ACSS1: variants seen among roughly 807,000 people sequenced by gnomAD.
The protein encoded by ACSS1 is acyl-CoA synthetase short chain family member 1.
Under a neutral mutation model 75.3 loss-of-function variants are expected in ACSS1, and 42 were observed. The observed-to-expected ratio is 0.56, with a 90% confidence interval of 0.44 to 0.72. The LOEUF (loss-of-function observed/expected upper bound fraction) is 0.72. Among genes scored for constraint, ACSS1 ranks in the 30% least tolerant of loss-of-function variants. The pLI is 0.00. For synonymous variants in ACSS1, 380 were observed against 376.8 expected, an observed-to-expected ratio of 1.01 and a Z score of -0.10; for missense variants, 782 against 935.7, an observed-to-expected ratio of 0.84 and a Z score of 2.14.
intron 2 of ACSS1, among the ~76,000 whole-genome samples, chr20:25,039,518 A>G (rs898144209): frequency 1.3e-5 from 2 of 152,342 alleles, no homozygotes; most frequent in South Asian, 2.1e-4. Context: ...TGGGGGTTCA[A>G]TTGAGCCTTT....
Position 25,030,942 on chromosome 20 carries a change from T to A in ACSS1, c.448A>T (p.Thr150Ser), listed in dbSNP as rs1568840032. The A allele has an allele frequency of 2.5e-6, 4 of 1,614,118 alleles. No homozygotes were observed. Among genetic ancestry groups the A allele is most frequent in the Non-Finnish European group, 3.4e-6 (4 of 1,180,006 alleles). ...TTCAGCGTGTTGGCCAGGCGGCACG[T>A]GGTCTCCAGTAGTTCCCTGCAGCAC... ...RITYRELLET[T>S]CRLANTLKRH... Residue 150 changes from threonine to serine, a missense_variant, in exon 3 of 14, where the codon ACG becomes TCG. By Grantham distance (58) the Thr-to-Ser change is moderately conservative. Coordinates refer to ENST00000323482, the MANE Select transcript of ACSS1 (RefSeq NM_032501.4).
At chr20:25,050,300 C>T (rs769971132) in intron 1 of ACSS1, among the ~76,000 whole-genome samples, 7 of 152,106 alleles carry the variant, frequency 4.6e-5, no homozygotes, top group East Asian at 1.9e-4. Flanking sequence ...TCCTACACCC[C>T]GCTGCCTGCC....
At chr20:25,055,635 G>C (rs776729395) in intron 1 of ACSS1, among the ~76,000 whole-genome samples, 3 of 152,210 alleles carry the variant, frequency 2.0e-5, no homozygotes, top group Non-Finnish European at 4.4e-5. Context: ...CAGATGTCCA[G>C]GATGGGCTCC....
intron 1 of ACSS1, among the ~76,000 whole-genome samples, chr20:25,050,647 G>T (rs921530848): frequency 4.6e-5 from 7 of 152,076 alleles, no homozygotes; most frequent in African/African-American, 1.7e-4. Context: ...AGCAGGAAGG[G>T]CTCGAACCAC....
rs750083987 is a variant in ACSS1, at chr20:25,019,915, G to A, written c.1246+95C>T. ...TGCGTGAATTCACACATACAAAGCCGGGCAGCTTCATGACTGAAGTCCTGC... is the reference window on the plus strand; with the variant it reads ...TGCGTGAATTCACACATACAAAGCCAGGCAGCTTCATGACTGAAGTCCTGC... On this transcript the variant is annotated intron_variant, in intron 7 of 13. Coordinates refer to ENST00000323482, the MANE Select transcript of ACSS1 (RefSeq NM_032501.4). 99 of 1,552,154 alleles carry A rather than the reference G, an allele frequency of 6.4e-5. 1 individual carries two copies. The highest frequency in any genetic ancestry group is 4.0e-4 in the Admixed American group (23 of 56,796).
chr20:25,038,072 C>T (rs1485139045), intron 2 of ACSS1, among the ~76,000 whole-genome samples: 1 of 152,198 alleles, frequency 6.6e-6, no homozygotes, highest in African/African-American at 2.4e-5. Context: ...TCCCCTGGGC[C>T]AAGGCGGGCC....
chr20:25,052,258 A>G (rs767361294), intron 1 of ACSS1, among the ~76,000 whole-genome samples: 4 of 152,220 alleles, frequency 2.6e-5, no homozygotes, highest in Non-Finnish European at 5.9e-5. Context: ...CTGCCCAAAG[A>G]AATGGGCAGT....
At position 25,020,632 on chromosome 20, in the gene ACSS1, A is replaced by G. The variant is rs575784942; in HGVS notation, c.1109-485T>C. Reference sequence around the variant, plus strand: ...CCACTACCCACACCATCCCCTCCACATGGAACACTGAGCTTCTAAGGGCTG... The same window carrying G: ...CCACTACCCACACCATCCCCTCCACGTGGAACACTGAGCTTCTAAGGGCTG... On this transcript the variant is annotated intron_variant, in intron 6 of 13. Transcript: ENST00000323482. Among the ~76,000 whole-genome samples the G allele has an allele frequency of 2.6e-5, 4 of 152,298 alleles. No individual in the cohort carries two copies. The East Asian group carries it at 7.7e-4, about 29-fold the overall frequency.
At chr20:25,039,622 C>T (rs999491159) in intron 2 of ACSS1, among the ~76,000 whole-genome samples, 4 of 152,188 alleles carry the variant, frequency 2.6e-5, no homozygotes, top group African/African-American at 7.2e-5. Context: ...TTCAGGGCCA[C>T]CTGCCCAGGG....
At position 25,013,618 on chromosome 20, in the gene ACSS1, G is replaced by C. The variant is rs761161575; in HGVS notation, c.1497C>G (p.Ile499Met). The change falls in exon 10 of 14, where the codon ATC (isoleucine) becomes ATG (methionine). Residue 499 changes from isoleucine to methionine, a missense_variant. Physicochemically the swap from Ile to Met is conservative, Grantham distance 10. This residue lies in a region of ACSS1 where 405 missense variants were observed against 552.6 expected (regional missense o/e 0.73). Transcript: ENST00000323482. ...EGSNVSGALC[I>M]SQAWPGMART... The stretch of plus-strand genomic sequence containing the variant: ...TGGCCATGCCCGGCCAGGCCTGGGA[G>C]ATGCACAGGGCCCCGGAGACGTTGC... The C allele has an allele frequency of 3.7e-6, 6 of 1,610,548 alleles. No individual in the cohort carries two copies. In the African/African-American group the frequency reaches 8.0e-5, roughly 22 times the overall value.
At chr20:25,049,369 G>C (rs1485676354) in intron 1 of ACSS1, among the ~76,000 whole-genome samples, 2 of 152,124 alleles carry the variant, frequency 1.3e-5, no homozygotes. Context: ...CTGGGTGTTG[G>C]GGAGTCTCTT....
intron 1 of ACSS1, among the ~76,000 whole-genome samples, chr20:25,048,775 C>T (rs994654459): frequency 6.6e-6 from 1 of 152,224 alleles, no homozygotes; most frequent in Non-Finnish European, 1.5e-5. Context: ...TTGCAGAAGG[C>T]TCTGCTCCCT....
chr20:25,023,325 A>C, intron 4 of ACSS1, 141 bp downstream of exon 4: 3 of 1,108,476 alleles, frequency 2.7e-6, no homozygotes, highest in African/African-American at 1.6e-5. Context: ...CTTCCCAGTC[A>C]GGACTCAAGC....
At chr20:25,022,788 G>T in intron 5 of ACSS1, 152 bp downstream of exon 5, 1 of 1,088,376 alleles carries the variant, frequency 9.2e-7, no homozygotes, top group East Asian at 2.7e-5. Context: ...GCTGTAGGGT[G>T]GGAGGACTCG....
intron 2 of ACSS1, among the ~76,000 whole-genome samples, chr20:25,037,681 C>T (rs142395948): frequency 8.5e-4 from 130 of 152,300 alleles, no homozygotes; most frequent in African/African-American, 2.9e-3. Flanking sequence ...GGAACATATT[C>T]GTAGTAAGAG....
rs570676847 is a variant in ACSS1 at position 25,015,030 on chromosome 20, C to T, written c.1339+108G>A. 12 of 921,128 alleles carry T rather than the reference C, an allele frequency of 1.3e-5. No individual in the cohort carries two copies. The Admixed American group carries it at 1.9e-4, about 15-fold the overall frequency. 57.1% of individuals were successfully genotyped at this position (921,128 alleles called of 1,614,324 possible). On this transcript the variant is annotated intron_variant, in intron 8 of 13. Coordinates refer to ENST00000323482, the MANE Select transcript of ACSS1 (RefSeq NM_032501.4). ...GTTTCCGCAGTCTCGGGCGTTGAAG[C>T]GTCTTCTATCGCACCTGCTGTTGAG...
At position 25,012,869 on chromosome 20, in the gene ACSS1, A is replaced by C; in HGVS notation, c.1650T>G (p.Asp550Glu). Reference sequence around the variant, plus strand: ...GGTGGCCACTGATGTTGATGACATCATCCATCCGCCCTGTGATCTGGTAAT... The same window carrying C: ...GGTGGCCACTGATGTTGATGACATCCTCCATCCGCCCTGTGATCTGGTAAT... ...GGYYQITGRM[D>E]DVINISGHRL... The change falls in exon 11 of 14, where the codon GAT (aspartate) becomes GAG (glutamate). Residue 550 changes from aspartate to glutamate, a missense_variant. Physicochemically the swap from Asp to Glu is conservative, Grantham distance 45. Coordinates refer to ENST00000323482, the MANE Select transcript of ACSS1 (RefSeq NM_032501.4). 4.3e-6 allele frequency: 7 copies of C among 1,614,184 alleles called. No individual in the cohort carries two copies. Among genetic ancestry groups the C allele is most frequent in the Non-Finnish European group, 5.9e-6 (7 of 1,180,030 alleles).
Position 25,006,813 on chromosome 20 carries a change from CA to C in ACSS1, c.*948del. 6.5e-7 allele frequency: 1 copy of C among 1,534,816 alleles called. No homozygotes were observed. Among genetic ancestry groups the C allele is most frequent in the Non-Finnish European group, 8.7e-7 (1 of 1,146,210 alleles). ...TCAGTGGTTCTCACCGCCCCAACCA[CA>C]GAGTGAAGGTCAGGCAGCGTTTGCC... On this transcript the variant is annotated 3_prime_UTR_variant, in exon 14 of 14. Coordinates refer to ENST00000323482, the MANE Select transcript of ACSS1 (RefSeq NM_032501.4).
chr20:25,039,533 T>G (rs982992052), intron 2 of ACSS1, among the ~76,000 whole-genome samples: 2 of 152,242 alleles, frequency 1.3e-5, no homozygotes, highest in Middle Eastern at 3.2e-3. Context: ...GCCTTTCTTC[T>G]TGTCCCCAGA....
Sources: allele counts gnomAD v4.1 joint callset (sites outside exome capture counted in the v4.1 genomes callset), GRCh38; gene constraint gnomAD v4.1.1; regional missense constraint gnomAD v4.1.1; transcripts MANE v1.5; gene names NCBI Gene and HGNC (gene_info 2026-07-23, HGNC 2026-07-21).